The following SGCD variants were observed in gnomAD, a reference collection of about 807,000 sequenced individuals.
SGCD encodes sarcoglycan delta.
In SGCD, 18 loss-of-function variants were observed where a neutral mutation model predicts 36.6. That is an observed-to-expected ratio of 0.49 (90% CI 0.34 to 0.73). The LOEUF (loss-of-function observed/expected upper bound fraction) is 0.73. Among genes scored for constraint, SGCD ranks in the 30% least tolerant of loss-of-function variants. The probability of loss-of-function intolerance (pLI) is 0.01; values close to 1 mark genes in which losing one functional copy is unlikely to be tolerated. For missense variants in SGCD, 387 were observed against 346.7 expected (o/e 1.12, Z -0.92); for synonymous variants, 133 against 130.6 (o/e 1.02, Z -0.12).
chr5:155,890,182 A>G (rs1409746569), intron 1 of SGCD, among the ~76,000 whole-genome samples: 1 of 152,220 alleles, frequency 6.6e-6, no homozygotes, highest in Non-Finnish European at 1.5e-5. Context: ...GAGAACAACC[A>G]CCATGAAGAA....
At chr5:156,011,778 G>A (rs942189065) in intron 1 of SGCD, among the ~76,000 whole-genome samples, 1 of 152,144 alleles carries the variant, frequency 6.6e-6, no homozygotes, top group African/African-American at 2.4e-5. Context: ...AATAATACCT[G>A]GATTCTTCTC....
intron 1 of SGCD, among the ~76,000 whole-genome samples, chr5:156,017,662 A>G (rs1201206659): frequency 6.6e-6 from 1 of 152,126 alleles, no homozygotes; most frequent in Non-Finnish European, 1.5e-5. Context: ...AACATTTACT[A>G]TATTACTCTG....
At chr5:156,387,389 T>G (rs1311298429) in intron 3 of SGCD, among the ~76,000 whole-genome samples, 1 of 152,186 alleles carries the variant, frequency 6.6e-6, no homozygotes, top group Non-Finnish European at 1.5e-5. Context: ...GCTTTTAGCT[T>G]AAATAATTGG....
At chr5:155,958,890 G>T (rs187041820) in intron 1 of SGCD, among the ~76,000 whole-genome samples, 1 of 152,188 alleles carries the variant, frequency 6.6e-6, no homozygotes, top group East Asian at 1.9e-4. Flanking sequence ...TGTGTTGAAG[G>T]CAGGCAGTAG....
intron 3 of SGCD, among the ~76,000 whole-genome samples, chr5:156,387,798 A>G (rs1771350386): frequency 6.6e-6 from 1 of 152,138 alleles, no homozygotes; most frequent in Admixed American, 6.5e-5. Context: ...AGAAATGAGT[A>G]TTGCCTTTGA....
intron 2 of SGCD, among the ~76,000 whole-genome samples, chr5:156,119,649 TCTG>T (rs1761986957): frequency 6.6e-6 from 1 of 152,062 alleles, no homozygotes; most frequent in Admixed American, 6.6e-5. Context: ...CCAGCACACT[TCTG>T]CTCAAAAATC....
At chr5:156,055,129 T>G (rs528376388) in intron 1 of SGCD, among the ~76,000 whole-genome samples, 1 of 140,846 alleles carries the variant, frequency 7.1e-6, no homozygotes, top group East Asian at 1.9e-4. Context: ...CCTATAGCAG[T>G]GCCAGCTTCC....
chr5:156,188,815 C>T (rs185681632), intron 3 of SGCD, among the ~76,000 whole-genome samples: 17 of 152,200 alleles, frequency 1.1e-4, no homozygotes, highest in Admixed American at 6.5e-4. Flanking sequence ...CACATCTGAA[C>T]AGACCCTTTT....
At chr5:156,201,860 G>C (rs1037226547) in intron 3 of SGCD, among the ~76,000 whole-genome samples, 2 of 152,018 alleles carry the variant, frequency 1.3e-5, no homozygotes, top group African/African-American at 4.8e-5. Context: ...CTTTATAAAT[G>C]TCAGAGTTGG....
chr5:156,375,001 G>A (rs1026516743), intron 3 of SGCD, among the ~76,000 whole-genome samples: 1 of 151,896 alleles, frequency 6.6e-6, no homozygotes, highest in Admixed American at 6.6e-5. Context: ...TTTGTTTTGC[G>A]TGTGTGTGTA....
At chr5:156,426,717 C>T (rs561632829) in intron 3 of SGCD, among the ~76,000 whole-genome samples, 1 of 152,150 alleles carries the variant, frequency 6.6e-6, no homozygotes, top group East Asian at 1.9e-4. Context: ...AGTATTTGAT[C>T]CATCTTGAGT....
rs561919666 is a variant in SGCD, at chr5:155,942,295, CATGTATGTATGT to C, written c.-282+71902_-282+71913del. Among the ~76,000 whole-genome samples the C allele has an allele frequency of 5.1e-4, 75 of 147,058 alleles. 1 individual carries two copies. Among genetic ancestry groups the C allele is most frequent in the South Asian group, 1.3e-3 (6 of 4,526 alleles). ...TCATCTATGTATCTATGTATGTACG[CATGTATGTATGT>C]ATGTATGTATGTATGTATGTATGTA... On this transcript the variant is annotated intron_variant, in intron 1 of 9. Coordinates refer to the SGCD transcript ENST00000517913.
At chr5:156,010,851 A>G (rs1758845985) in intron 1 of SGCD, among the ~76,000 whole-genome samples, 1 of 152,116 alleles carries the variant, frequency 6.6e-6, no homozygotes, top group African/African-American at 2.4e-5. Flanking sequence ...ACCAAAGCTC[A>G]CACTTTTACC....
chr5:155,905,375 T>C (rs1301873826), intron 1 of SGCD, among the ~76,000 whole-genome samples: 1 of 152,004 alleles, frequency 6.6e-6, no homozygotes. Context: ...GAGATGTATA[T>C]TGAGTGAAGC....
chr5:155,849,093 A>T, the SGCD span, among the ~76,000 whole-genome samples: 3 of 152,084 alleles, frequency 2.0e-5, no homozygotes, highest in Non-Finnish European at 4.4e-5. Flanking sequence ...TAAGGAACCA[A>T]ATTACCTGGT....
At chr5:155,731,294 C>T in the SGCD span, among the ~76,000 whole-genome samples, 1 of 149,910 alleles carries the variant, frequency 6.7e-6, no homozygotes, top group Non-Finnish European at 1.5e-5. Context: ...GAAAATAAAT[C>T]TGAAGAAGAG....
At chr5:156,346,266 A>T (rs574208471) in intron 3 of SGCD, among the ~76,000 whole-genome samples, 1 of 152,246 alleles carries the variant, frequency 6.6e-6, no homozygotes, top group South Asian at 2.1e-4. Context: ...AAAATAATTC[A>T]GTTCTTTCTA....
At chr5:156,362,640 A>G (rs1040254845) in intron 3 of SGCD, among the ~76,000 whole-genome samples, 3 of 152,140 alleles carry the variant, frequency 2.0e-5, no homozygotes, top group African/African-American at 7.2e-5. Flanking sequence ...GAGAGACTCC[A>G]TCTCAAAACA....
At chr5:156,617,707 G>T (rs954322344) in intron 6 of SGCD, among the ~76,000 whole-genome samples, 1 of 152,120 alleles carries the variant, frequency 6.6e-6, no homozygotes. Context: ...CTCAGCAAAG[G>T]TCGTTAACTA....
Sources: allele counts gnomAD v4.1 joint callset (sites outside exome capture counted in the v4.1 genomes callset), GRCh38; gene constraint gnomAD v4.1.1; transcripts MANE v1.5; gene names NCBI Gene and HGNC (gene_info 2026-07-23, HGNC 2026-07-21).